LRP1B: variants seen among roughly 807,000 people sequenced by gnomAD.
LRP1B encodes LDL receptor related protein 1B.
In LRP1B, 217 loss-of-function variants were observed where a neutral mutation model predicts 556.6. That is an observed-to-expected ratio of 0.39 (90% confidence interval 0.35 to 0.44). LRP1B has a LOEUF of 0.44. Among genes scored for constraint, LRP1B ranks in the 20% least tolerant of loss-of-function variants. LRP1B has a pLI of 1.00. For missense variants in LRP1B, 5,053 were observed against 5,620.8 expected, an observed-to-expected ratio of 0.90 and a Z score of 3.23; for synonymous variants, 2,047 against 1,865.8, an observed-to-expected ratio of 1.10 and a Z score of -2.50.
At chr2:141,508,524 G>A (rs540872550) in intron 2 of LRP1B, among the ~76,000 whole-genome samples, 1 of 152,116 alleles carries the variant, frequency 6.6e-6, no homozygotes, top group African/African-American at 2.4e-5. Flanking sequence ...AGAAAAAGCT[G>A]CTTCAAATCT....
intron 15 of LRP1B, among the ~76,000 whole-genome samples, chr2:141,003,414 T>C (rs959595699): frequency 1.3e-5 from 2 of 152,068 alleles, no homozygotes; most frequent in Admixed American, 1.3e-4. Flanking sequence ...ACGGTTTGGC[T>C]GTGTCCCCAC....
intron 3 of LRP1B, among the ~76,000 whole-genome samples, chr2:141,436,146 A>G (rs1179562034): frequency 6.6e-6 from 1 of 152,234 alleles, no homozygotes; most frequent in Non-Finnish European, 1.5e-5. Flanking sequence ...CAAAAATTGT[A>G]TACATTCAAG....
intron 2 of LRP1B, among the ~76,000 whole-genome samples, chr2:141,728,955 G>A (rs188631353): frequency 1.4e-4 from 22 of 152,238 alleles, no homozygotes; most frequent in African/African-American, 4.8e-4. Context: ...GGGGTGCCAG[G>A]AGTGCTGTGT....
In LRP1B at chr2:141,013,380, A is replaced by C. The variant is rs116581643; in HGVS notation, c.2380+176T>G. 6.2e-3 allele frequency among the ~76,000 whole-genome samples: 947 copies of C among 152,168 alleles called. 15 individuals are homozygous for C. The highest frequency in any genetic ancestry group is 0.022 in the African/African-American group (909 of 41,560). ...CCAGGGATAATCACTCAGGATATTT[A>C]GAACAACAAAAAGTAAATTTCTATG... is the stretch of plus-strand genomic sequence containing the variant. On this transcript the variant is annotated intron_variant, in intron 14 of 90. Transcript: ENST00000389484.
intron 7 of LRP1B, among the ~76,000 whole-genome samples, chr2:141,068,920 G>T (rs1699557888): frequency 6.6e-6 from 1 of 151,824 alleles, no homozygotes. Flanking sequence ...AACCCATTTT[G>T]GCACTGAATC....
chr2:141,531,992 A>G (rs998329847), intron 2 of LRP1B, among the ~76,000 whole-genome samples: 6 of 152,146 alleles, frequency 3.9e-5, no homozygotes, highest in African/African-American at 1.4e-4. Context: ...TGTGCTGCCT[A>G]TTTTATCCTG....
At chr2:141,691,372 T>C (rs995839148) in intron 2 of LRP1B, among the ~76,000 whole-genome samples, 7 of 150,514 alleles carry the variant, frequency 4.7e-5, no homozygotes, top group Non-Finnish European at 8.9e-5. Context: ...TGCTGTACTG[T>C]AGGCTGAACT....
At chr2:140,770,593 T>C (rs1295966281) in intron 34 of LRP1B, among the ~76,000 whole-genome samples, 1 of 152,086 alleles carries the variant, frequency 6.6e-6, no homozygotes, top group Non-Finnish European at 1.5e-5. Context: ...AATTTTTGCC[T>C]ATTCAGGTCG....
At chr2:141,793,250 T>C (rs1031756339) in intron 2 of LRP1B, among the ~76,000 whole-genome samples, 2 of 152,010 alleles carry the variant, frequency 1.3e-5, no homozygotes, top group Non-Finnish European at 2.9e-5. Flanking sequence ...GTTATGTTCT[T>C]CATTCTAAAA....
At chr2:141,155,087 C>T (rs1210685357) in intron 7 of LRP1B, among the ~76,000 whole-genome samples, 1 of 151,746 alleles carries the variant, frequency 6.6e-6, no homozygotes, top group East Asian at 1.9e-4. Flanking sequence ...AAATTCATTG[C>T]CAGATTCTTA....
chr2:140,794,354 A>T (rs892109308), intron 32 of LRP1B, among the ~76,000 whole-genome samples: 4 of 152,148 alleles, frequency 2.6e-5, no homozygotes, highest in African/African-American at 9.7e-5. Flanking sequence ...CTTTCACTAG[A>T]TCTCTCATAA....
At chr2:141,151,595 T>G (rs76677610) in intron 7 of LRP1B, among the ~76,000 whole-genome samples, 4,388 of 152,282 alleles carry the variant, frequency 0.029, 84 homozygotes, top group East Asian at 0.063. Flanking sequence ...CATTGCCCAG[T>G]TCACACAATT....
intron 43 of LRP1B, among the ~76,000 whole-genome samples, chr2:140,548,248 C>T (rs916929258): frequency 6.6e-6 from 1 of 152,104 alleles, no homozygotes; most frequent in Admixed American, 6.6e-5. Context: ...GGATCTGGAA[C>T]TTGATATAAG....
At chr2:141,349,246 C>A (rs1688363426) in intron 3 of LRP1B, among the ~76,000 whole-genome samples, 1 of 151,940 alleles carries the variant, frequency 6.6e-6, no homozygotes, top group South Asian at 2.1e-4. Context: ...CATCTTTTAT[C>A]CCTCCTTTAA....
chr2:141,931,184 A>G (rs777161260), intron 1 of LRP1B, among the ~76,000 whole-genome samples: 2 of 152,072 alleles, frequency 1.3e-5, no homozygotes, highest in Non-Finnish European at 2.9e-5. Context: ...GCTATGTATC[A>G]AGTAAAATAA....
intron 18 of LRP1B, among the ~76,000 whole-genome samples, chr2:140,978,611 G>A (rs747042475): frequency 2.0e-4 from 31 of 152,096 alleles, no homozygotes; most frequent in Admixed American, 9.8e-4. Flanking sequence ...ACTCCTTGTC[G>A]TTTTGTATGC....
chr2:142,041,244 T>C (rs1704054555), intron 1 of LRP1B, among the ~76,000 whole-genome samples: 1 of 151,344 alleles, frequency 6.6e-6, no homozygotes, highest in South Asian at 2.1e-4. Flanking sequence ...TAGAGACCTG[T>C]TAGTGACAAG....
intron 6 of LRP1B, among the ~76,000 whole-genome samples, chr2:141,216,621 T>C (rs1016033578): frequency 9.2e-5 from 14 of 152,302 alleles, no homozygotes; most frequent in African/African-American, 3.1e-4. Flanking sequence ...GTAGCCACAG[T>C]AGATGTACCC....
At chr2:141,673,855 G>C (rs760097105) in intron 2 of LRP1B, among the ~76,000 whole-genome samples, 6 of 152,000 alleles carry the variant, frequency 3.9e-5, no homozygotes, top group Non-Finnish European at 7.4e-5. Context: ...TAATCACTAT[G>C]AGTACAGAGT....
Sources: gnomAD v4.1 joint callset for allele counts (sites outside exome capture counted in the v4.1 genomes callset) on GRCh38, gnomAD v4.1.1 for gene constraint, MANE v1.5 for transcripts, NCBI Gene and HGNC (gene_info 2026-07-23, HGNC 2026-07-21) for gene names.